Variants in FAT4 observed in about 807,000 individuals in gnomAD.
The protein encoded by FAT4 is FAT atypical cadherin 4.
FAT4 carries 84 observed loss-of-function variants against 303.9 expected under a neutral mutation model. The ratio of observed to expected loss-of-function variants is 0.28; its 90% CI spans 0.23 to 0.33. The LOEUF is 0.33. Among genes scored for constraint, FAT4 ranks in the 10% least tolerant of loss-of-function variants. The pLI, the probability that FAT4 is intolerant of heterozygous loss-of-function variation, is 1.00. For missense variants in FAT4, 6,005 were observed against 6,146.8 expected (o/e 0.98, Z 0.77); for synonymous variants, 2,307 against 2,298.8 (o/e 1.00, Z -0.10).
chr4:125,429,408 C>T (rs950833006), intron 7 of FAT4, among the ~76,000 whole-genome samples: 6 of 152,006 alleles, frequency 3.9e-5, no homozygotes, highest in South Asian at 2.1e-4. Flanking sequence ...GACTGGAGTA[C>T]GTTGATAATT....
chr4:125,408,781 T>A lies in FAT4; in HGVS notation c.5907T>A (p.Thr1969=). Residue 1969 remains threonine (T), a synonymous_variant, in exon 5 of 18, where the codon ACT becomes ACA. Transcript: ENST00000394329. ...CTACTGTTCTTGTGTTTAATGTTACTGATGCAGATGATGGTATGTATTTTA... is the reference window on the plus strand; with the variant it reads ...CTACTGTTCTTGTGTTTAATGTTACAGATGCAGATGATGGTATGTATTTTA... ...VGSTVLVFNV[T]DADDGINSQL... is the part of the protein sequence containing the mutation. 6.8e-7 allele frequency: 1 copy of A among 1,478,858 alleles called. No individual in the cohort carries two copies. The highest frequency in any genetic ancestry group is 9.1e-7 in the Non-Finnish European group (1 of 1,093,486). The allele number at this position is 1,478,858 out of a possible 1,614,324, so 91.6% of individuals were successfully genotyped here. A position where few individuals can be genotyped will look rare whatever the true frequency, so the allele number is the denominator to read the frequency against.
intron 3 of FAT4, 21 bp downstream of exon 3, chr4:125,398,936 A>T: frequency 6.2e-7 from 1 of 1,611,650 alleles, no homozygotes; most frequent in Non-Finnish European, 8.5e-7. Flanking sequence ...CATGTCTCTG[A>T]ATTTGTGAAA....
rs1734700943 is a variant in FAT4 at position 125,408,316 on chromosome 4, A to G, written c.5570-128A>G. ...ATCTGCAGAATGTTATGTTCACTGT[A>G]TTTTCATAGCGGTTTTCAGTTAAGA... On this transcript the variant is annotated intron_variant, in intron 4 of 17. Transcript: ENST00000394329. 6 of 579,982 alleles carry G rather than the reference A, an allele frequency of 1.0e-5. No homozygotes were observed. The South Asian group carries it at 1.5e-4, about 15-fold the overall frequency. The allele number at this position is 579,982 out of a possible 1,614,324, so 35.9% of individuals were successfully genotyped here. A position where few individuals can be genotyped will look rare whatever the true frequency, so the allele number is the denominator to read the frequency against.
At position 125,449,653 on chromosome 4, in the gene FAT4, A is replaced by G; in HGVS notation, c.8643A>G (p.Leu2881=). 1 of 1,614,020 alleles carries G rather than the reference A, an allele frequency of 6.2e-7. No individual in the cohort carries two copies. Among genetic ancestry groups the G allele is most frequent in the Non-Finnish European group, 8.5e-7 (1 of 1,179,936 alleles). The change falls in exon 10 of 18, where the codon TTA becomes TTG. Residue 2881 remains leucine, a synonymous_variant. Coordinates refer to ENST00000394329, the MANE Select transcript of FAT4 (RefSeq NM_001291303.3). The stretch of plus-strand genomic sequence containing the variant: ...GATTTAGCAGAACTTCCTATTATTT[A>G]GATTGCCCTGAACTTACTGAGATTG... ...APRFSRTSYY[L]DCPELTEIGS... is the part of the protein sequence containing the mutation.
intron 3 of FAT4, among the ~76,000 whole-genome samples, chr4:125,402,507 T>C (rs1419809329): frequency 6.6e-6 from 1 of 152,008 alleles, no homozygotes; most frequent in Non-Finnish European, 1.5e-5. Context: ...AAGGTAAATG[T>C]GGGTAATGTC....
At chr4:125,373,018 T>G (rs1460565512) in intron 2 of FAT4, among the ~76,000 whole-genome samples, 1 of 152,172 alleles carries the variant, frequency 6.6e-6, no homozygotes, top group Non-Finnish European at 1.5e-5. Context: ...AGCTTTGCCA[T>G]TTTTTAAATA....
intron 11 of FAT4, among the ~76,000 whole-genome samples, chr4:125,467,246 G>A (rs190957119): frequency 2.9e-4 from 44 of 152,186 alleles, no homozygotes; most frequent in Admixed American, 2.7e-3. Flanking sequence ...CAGTAGATCT[G>A]GCCTCAAATT....
At chr4:125,392,390 A>G (rs1734007372) in intron 2 of FAT4, among the ~76,000 whole-genome samples, 1 of 151,900 alleles carries the variant, frequency 6.6e-6, no homozygotes, top group African/African-American at 2.4e-5. Context: ...AAAATTAAGC[A>G]CTATTTGCCT....
At chr4:125,381,005 C>T (rs1013412131) in intron 2 of FAT4, among the ~76,000 whole-genome samples, 4 of 152,086 alleles carry the variant, frequency 2.6e-5, no homozygotes, top group Non-Finnish European at 5.9e-5. Context: ...TTCTGATTAC[C>T]TATTACAGAA....
At position 125,467,451 on chromosome 4, in the gene FAT4, C is replaced by T. The variant is rs531083036; in HGVS notation, c.11906-1061C>T. On this transcript the variant is annotated intron_variant, in intron 11 of 17. Coordinates refer to ENST00000394329, the MANE Select transcript of FAT4 (RefSeq NM_001291303.3). ...TGAGGTATTGGCATGGGTTAATTTT[C>T]CAATCATTTGCCACAGTCTACTAAT... 9.9e-5 allele frequency among the ~76,000 whole-genome samples: 15 copies of T among 152,284 alleles called. 1 individual carries two copies. Among genetic ancestry groups the T allele is most frequent in the African/African-American group, 3.4e-4 (14 of 41,556 alleles).
rs138818552 is a variant in FAT4 at position 125,437,366 on chromosome 4, G to C, written c.7199+2941G>C. ...GAAGGTCTGAAGTTAAGGAGGCCTGGCTAGAGACAACAGAGGAAATGCAGG... is the reference window on the plus strand; with the variant it reads ...GAAGGTCTGAAGTTAAGGAGGCCTGCCTAGAGACAACAGAGGAAATGCAGG... On this transcript the variant is annotated intron_variant, in intron 8 of 17. Coordinates refer to ENST00000394329, the MANE Select transcript of FAT4 (RefSeq NM_001291303.3). Among the ~76,000 whole-genome samples the C allele has an allele frequency of 4.3e-3, 656 of 152,294 alleles. 7 individuals carry two copies. Among genetic ancestry groups the C allele is most frequent in the African/African-American group, 0.014 (587 of 41,566 alleles).
intron 2 of FAT4, among the ~76,000 whole-genome samples, chr4:125,389,470 GA>G (rs1178477386): frequency 6.6e-6 from 1 of 151,954 alleles, no homozygotes; most frequent in Non-Finnish European, 1.5e-5. Flanking sequence ...TAGTTCTAAA[GA>G]AAAAAATGCA....
intron 2 of FAT4, among the ~76,000 whole-genome samples, chr4:125,382,230 T>C (rs138262630): frequency 3.4e-4 from 52 of 152,284 alleles, no homozygotes; most frequent in African/African-American, 1.2e-3. Context: ...AGTTTTCAAT[T>C]ACTTTGCCCA....
intron 3 of FAT4, among the ~76,000 whole-genome samples, chr4:125,405,285 T>A (rs994296284): frequency 1.1e-4 from 17 of 152,214 alleles, no homozygotes; most frequent in Admixed American, 2.0e-4. Flanking sequence ...TGATTCTATT[T>A]GTTATTTTTT....
chr4:125,317,852 A>G lies in FAT4; in HGVS notation c.1441A>G (p.Arg481Gly), dbSNP rs1730700188. ...TCCTGTCTTTTCACAGCAAGTGTAC[A>G]GAGTGAACCTGAGCGAGGAGGCGCC... is the stretch of plus-strand genomic sequence containing the variant. ...HPPVFSQQVY[R>G]VNLSEEAPPG... Residue 481 changes from arginine (R) to glycine (G), a missense_variant, in exon 2 of 18, where the codon AGA (arginine) becomes GGA (glycine). Physicochemically the swap from Arg to Gly is moderately radical, Grantham distance 125. Transcript: ENST00000394329. The surrounding 1 kb of genome is among the most constrained non-coding windows in gnomAD (Gnocchi z 7.0). 2 of 1,614,206 alleles carry G rather than the reference A, an allele frequency of 1.2e-6. No homozygotes were observed. Among genetic ancestry groups the G allele is most frequent in the Admixed American group, 1.7e-5 (1 of 60,034 alleles).
chr4:125,397,969 A>G (rs1482498108), intron 2 of FAT4, among the ~76,000 whole-genome samples: 1 of 152,144 alleles, frequency 6.6e-6, no homozygotes, highest in Non-Finnish European at 1.5e-5. Flanking sequence ...CCAGCTGGGA[A>G]GATTTCAGTT....
chr4:125,426,254 A>G (rs1180243303), intron 7 of FAT4, among the ~76,000 whole-genome samples: 2 of 152,118 alleles, frequency 1.3e-5, no homozygotes, highest in Admixed American at 6.5e-5. Flanking sequence ...GGAATGTATG[A>G]TAGAAAAGTT....
chr4:125,454,351 G>T (rs550331358), intron 10 of FAT4, among the ~76,000 whole-genome samples: 63 of 152,304 alleles, frequency 4.1e-4, no homozygotes, highest in African/African-American at 1.4e-3. Flanking sequence ...ACTTTGAAAT[G>T]TAAATGAAGA....
rs1043570092 is a variant in FAT4 at position 125,319,943 on chromosome 4, A to G, written c.3532A>G (p.Thr1178Ala). The change falls in exon 2 of 18, where the codon ACA becomes GCA. Residue 1178 changes from threonine (T) to alanine (A), a missense_variant. Thr to Ala is a moderately conservative substitution (Grantham distance 58). Transcript: ENST00000394329. ...RRRGTAVFSFTVIATDQGIPQ... is the reference protein window; with the variant it reads ...RRRGTAVFSFAVIATDQGIPQ... The stretch of plus-strand genomic sequence containing the variant: ...GAGAGGGACTGCTGTGTTTAGCTTT[A>G]CAGTCATAGCAACAGATCAGGGGAT... 3 of 1,613,464 alleles carry G rather than the reference A, an allele frequency of 1.9e-6. No homozygotes were observed. Among genetic ancestry groups the G allele is most frequent in the Non-Finnish European group, 2.5e-6 (3 of 1,179,986 alleles).
Sources: gnomAD v4.1 joint callset for allele counts (sites outside exome capture counted in the v4.1 genomes callset) on GRCh38, gnomAD v4.1.1 for gene constraint, Gnocchi (gnomAD v3.1) non-coding constraint, MANE v1.5 for transcripts, NCBI Gene and HGNC (gene_info 2026-07-23, HGNC 2026-07-21) for gene names.